NEB: variants seen among roughly 807,000 people sequenced by gnomAD.
The protein encoded by NEB is nemaline myopathy type 2.
Under a neutral mutation model 952.2 loss-of-function variants are expected in NEB, and 512 were observed. That is an observed-to-expected ratio of 0.54 (90% CI 0.50 to 0.58). The LOEUF is 0.58. Among genes scored for constraint, NEB ranks in the 20% least tolerant of loss-of-function variants. The pLI, the probability that NEB is intolerant of heterozygous loss-of-function variation, is 0.00. For missense variants in NEB, 8,428 were observed against 9,231.1 expected, an observed-to-expected ratio of 0.91 and a Z score of 3.56; for synonymous variants, 2,900 against 3,149.8, an observed-to-expected ratio of 0.92 and a Z score of 2.66.
At position 151,655,940 on chromosome 2, in the gene NEB, C is replaced by A. The variant is rs757742305; in HGVS notation, c.6579G>T (p.Lys2193Asn). ...GATCACTGGCATATTCAGTTGCTTT[C>A]TTGGCCTTCTCCACTTCCAGAGAAC... The part of the protein sequence containing the change: ...PAGSLEVEKA[K>N]KATEYASDQK... Residue 2193 changes from lysine (K) to asparagine (N), a missense_variant, in exon 50 of 182, where the codon AAG (lysine) becomes AAT (asparagine). By Grantham distance (94) the Lys-to-Asn change is moderately conservative. Around this residue, in one of 11 missense-constraint regions of NEB, gnomAD observed 2,851 missense variants for 2,791.5 expected, o/e 1.02. Coordinates refer to ENST00000397345, the MANE Select transcript of NEB (RefSeq NM_001164508.2). 1 of 1,613,836 alleles carries A rather than the reference C, an allele frequency of 6.2e-7. No homozygotes were observed. The highest frequency in any genetic ancestry group is 2.2e-5 in the East Asian group (1 of 44,880).
At chr2:151,654,217 T>G in intron 51 of NEB, 118 bp from the exon 52 acceptor site, 1 of 511,780 alleles carries the variant, frequency 2.0e-6, no homozygotes, top group Non-Finnish European at 3.3e-6. Flanking sequence ...TACCCTATCT[T>G]TAAAGATATG....
intron 146 of NEB, 126 bp from the exon 147 acceptor site, chr2:151,527,711 G>T: frequency 1.5e-6 from 1 of 671,522 alleles, no homozygotes; most frequent in Non-Finnish European, 2.5e-6. Flanking sequence ...GCAAGAGGAA[G>T]CCCCAATTGA....
chr2:151,723,261 C>T (rs550944564), intron 9 of NEB, 121 bp downstream of exon 9: 42 of 549,816 alleles, frequency 7.6e-5, no homozygotes, highest in Non-Finnish European at 1.2e-4. Context: ...AGACATACTC[C>T]TCTGAAATAC....
At chr2:151,643,001 G>T in intron 58 of NEB, 132 bp from the exon 59 acceptor site, 2 of 1,144,194 alleles carry the variant, frequency 1.7e-6, no homozygotes, top group Non-Finnish European at 2.5e-6. Flanking sequence ...AGGTCTAAAT[G>T]TCTTGTGTCA....
intron 107 of NEB, among the ~76,000 whole-genome samples, chr2:151,571,491 A>G (rs949469503): frequency 6.6e-6 from 1 of 152,118 alleles, no homozygotes; most frequent in South Asian, 2.1e-4. Flanking sequence ...CTCTAATTCA[A>G]TTCAGTTTTG....
chr2:151,537,910 G>A lies in NEB; in HGVS notation c.21064C>T (p.His7022Tyr). The change falls in exon 140 of 182, where the codon CAT (histidine) becomes TAT (tyrosine). Residue 7022 changes from histidine (H) to tyrosine (Y), a missense_variant. Coordinates refer to ENST00000397345, the MANE Select transcript of NEB (RefSeq NM_001164508.2). ...TCAGTGACTGCTCGGTGGTGGAAATGCTCTGGACGATCAGGAATGGACCTC... is the reference window on the plus strand; with the variant it reads ...TCAGTGACTGCTCGGTGGTGGAAATACTCTGGACGATCAGGAATGGACCTC... Reference protein sequence around the residue: ...IWRSIPDRPEHFHHRAVTDTV... With the variant: ...IWRSIPDRPEYFHHRAVTDTV... The A allele has an allele frequency of 6.2e-7, 1 of 1,613,004 alleles. No homozygotes were observed.
intron 70 of NEB, among the ~76,000 whole-genome samples, chr2:151,626,275 C>A (rs916693631): frequency 2.6e-5 from 4 of 151,928 alleles, no homozygotes; most frequent in African/African-American, 9.7e-5. Context: ...TCACCACACC[C>A]GGCTAACTTT....
Position 151,485,491 on chromosome 2 carries a change from AT to A in NEB, c.*268del, listed in dbSNP as rs1462862640. The stretch of plus-strand genomic sequence containing the variant: ...CTTTAATGTGTTTGGCATATTCAAA[AT>A]CCCTGTTTTAGAAAAGAAATAATGT... On this transcript the variant is annotated 3_prime_UTR_variant, in exon 182 of 182. Coordinates refer to ENST00000397345, the MANE Select transcript of NEB (RefSeq NM_001164508.2). 9.9e-6 allele frequency: 3 copies of A among 304,196 alleles called. No homozygotes were observed. Among genetic ancestry groups the A allele is most frequent in the Non-Finnish European group, 6.0e-6 (1 of 166,892 alleles). 18.8% of individuals were successfully genotyped at this position (304,196 alleles called of 1,614,324 possible). A position where few individuals can be genotyped will look rare whatever the true frequency, so the allele number is the denominator to read the frequency against.
At chr2:151,617,921 G>A (rs1004315169) in intron 74 of NEB, among the ~76,000 whole-genome samples, 1 of 152,104 alleles carries the variant, frequency 6.6e-6, no homozygotes, top group Non-Finnish European at 1.5e-5. Flanking sequence ...TTTGCTGGGT[G>A]TGGTGGCAGG....
intron 10 of NEB, among the ~76,000 whole-genome samples, chr2:151,714,799 A>G (rs537167912): frequency 9.2e-5 from 14 of 152,174 alleles, no homozygotes; most frequent in Non-Finnish European, 1.2e-4. Context: ...TTAGGGAGAA[A>G]GAAGATATGA....
intron 107 of NEB, among the ~76,000 whole-genome samples, chr2:151,572,794 C>T (rs2096685194): frequency 6.6e-6 from 1 of 150,546 alleles, no homozygotes; most frequent in Non-Finnish European, 1.5e-5. Flanking sequence ...AAGTGATCCA[C>T]CCTCCTCAGC....
intron 13 of NEB, among the ~76,000 whole-genome samples, chr2:151,701,832 A>AT (rs1163930562): frequency 6.8e-6 from 1 of 147,528 alleles, no homozygotes; most frequent in South Asian, 2.2e-4. Flanking sequence ...GGATTCATTA[A>AT]TTTTTTGAAG....
At chr2:151,541,750 A>G (rs535365871) in intron 135 of NEB, among the ~76,000 whole-genome samples, 199 bp from the exon 136 acceptor site, 2 of 152,276 alleles carry the variant, frequency 1.3e-5, no homozygotes, top group East Asian at 3.9e-4. Flanking sequence ...AACAAGAGAC[A>G]TTCTCTAGCC....
rs763191968 is a variant in NEB, at chr2:151,546,324, A to T, written c.20466+21T>A. On this transcript the variant is annotated intron_variant, in intron 134 of 181. Coordinates refer to ENST00000397345, the MANE Select transcript of NEB (RefSeq NM_001164508.2). ...CCAGCTGTGCGGGGGGTAATTATGC[A>T]TTGTGATGATGTGCACTCACCCAGA... 3.1e-6 allele frequency: 5 copies of T among 1,588,898 alleles called. No homozygotes were observed. The South Asian group carries it at 5.6e-5, about 18-fold the overall frequency.
In NEB at chr2:151,692,047, CTTCAA is replaced by C; in HGVS notation, c.2106+7_2106+11del. ...GTCACTGTGAGGCATGAACCATTGT[CTTCAA>C]ACTTACATCACTGTTTTGAGCTGCA... On this transcript the variant is annotated splice_region_variant and intron_variant, in intron 22 of 181. Coordinates refer to ENST00000397345, the MANE Select transcript of NEB (RefSeq NM_001164508.2). 6.2e-7 allele frequency: 1 copy of C among 1,612,736 alleles called. No individual in the cohort carries two copies. The highest frequency in any genetic ancestry group is 1.1e-5 in the South Asian group (1 of 91,028).
At chr2:151,514,543 T>G in intron 158 of NEB, 115 bp from the exon 159 acceptor site, 2 of 836,072 alleles carry the variant, frequency 2.4e-6, no homozygotes, top group Non-Finnish European at 4.0e-6. Context: ...GTTTAGTAAG[T>G]AAAAATATGA....
intron 179 of NEB, 72 bp from the exon 180 acceptor site, chr2:151,490,590 G>T: frequency 6.6e-7 from 1 of 1,517,840 alleles, no homozygotes; most frequent in African/African-American, 1.4e-5. Flanking sequence ...AACAGTGATT[G>T]AATCTCAGTT....
chr2:151,655,394 G>T lies in NEB; in HGVS notation c.6703-20C>A, dbSNP rs2099076718. ...TAAATGCTAGGAAGTGGGAAAAAAA[G>T]ACATGAAATTTGAATAACTGGGACA... is the stretch of plus-strand genomic sequence containing the variant. On this transcript the variant is annotated intron_variant, in intron 50 of 181. Transcript: ENST00000397345. 1.4e-6 allele frequency: 2 copies of T among 1,410,286 alleles called. No individual in the cohort carries two copies. Among genetic ancestry groups the T allele is most frequent in the Admixed American group, 1.9e-5 (1 of 51,832 alleles). 87.4% of individuals were successfully genotyped at this position (1,410,286 alleles called of 1,614,324 possible).
intron 108 of NEB, 50 bp from the exon 109 acceptor site, chr2:151,570,442 C>T: frequency 6.3e-7 from 1 of 1,583,698 alleles, no homozygotes; most frequent in Admixed American, 1.9e-5. Flanking sequence ...CCTCTTGATG[C>T]ACCTAGGGCA....
Sources: allele counts gnomAD v4.1 joint callset (sites outside exome capture counted in the v4.1 genomes callset), GRCh38; gene constraint gnomAD v4.1.1; regional missense constraint gnomAD v4.1.1; transcripts MANE v1.5; gene names NCBI Gene and HGNC (gene_info 2026-07-23, HGNC 2026-07-21).